RBFOX1: variants seen among roughly 807,000 people sequenced by gnomAD.
RBFOX1 encodes the protein RNA binding fox-1 homolog 1.
In RBFOX1, 8 loss-of-function variants were observed where a neutral mutation model predicts 57.7. The observed-to-expected ratio is 0.14, with a 90% confidence interval of 0.08 to 0.25. The LOEUF (loss-of-function observed/expected upper bound fraction) is 0.25, where lower values mean the gene tolerates loss of function less well. Ranked by LOEUF, RBFOX1 falls within the 10% of genes least tolerant of loss-of-function variation. The pLI is 1.00. For synonymous variants in RBFOX1, 326 were observed against 222.4 expected (o/e 1.47, Z -4.15); for missense variants, 611 against 548.5 (o/e 1.11, Z -1.14).
rs79604526 is a variant in RBFOX1 at position 6,185,635 on chromosome 16, C to T, written c.-126-131360C>T. Among the ~76,000 whole-genome samples the T allele has an allele frequency of 1.3e-3, 201 of 152,328 alleles. 5 individuals carry two copies. The East Asian group carries it at 0.033, about 25-fold the overall frequency. On this transcript the variant is annotated intron_variant, in intron 1 of 15. Transcript: ENST00000550418. ...TACACAGAGCATTTAAAAAATTCCT[C>T]ATAGCTAAATAGAATATAATATTTC...
chr16:5,620,692 T>C (rs914205298), intron 3 of RBFOX1, among the ~76,000 whole-genome samples: 4 of 152,078 alleles, frequency 2.6e-5, no homozygotes, highest in Non-Finnish European at 4.4e-5. Flanking sequence ...TTTATTTTTT[T>C]GGTAGAGATA....
chr16:6,390,498 C>G (rs1163672198), intron 2 of RBFOX1, among the ~76,000 whole-genome samples: 1 of 148,856 alleles, frequency 6.7e-6, no homozygotes, highest in Non-Finnish European at 1.5e-5. Flanking sequence ...AAATAGAGAA[C>G]AAAAAACAGA....
intron 2 of RBFOX1, among the ~76,000 whole-genome samples, chr16:5,593,269 C>A (rs187137217): frequency 6.7e-6 from 1 of 150,106 alleles, no homozygotes; most frequent in East Asian, 2.0e-4. Context: ...TATGTTCTCA[C>A]TTATAAGTGG....
At chr16:5,945,716 C>G (rs891792858) in intron 4 of RBFOX1, among the ~76,000 whole-genome samples, 1 of 152,216 alleles carries the variant, frequency 6.6e-6, no homozygotes, top group African/African-American at 2.4e-5. Flanking sequence ...GTAGAATCTG[C>G]AAACCTCCAC....
intron 4 of RBFOX1, among the ~76,000 whole-genome samples, chr16:7,277,170 A>G (rs1603474864): frequency 6.6e-6 from 1 of 152,198 alleles, no homozygotes; most frequent in East Asian, 1.9e-4. Context: ...TTCTTAAGAA[A>G]TGCAATTAAC....
intron 2 of RBFOX1, among the ~76,000 whole-genome samples, chr16:6,469,497 GAA>G (rs34880198): frequency 6.6e-6 from 1 of 152,248 alleles, no homozygotes; most frequent in East Asian, 1.9e-4. Flanking sequence ...TGCACTATGC[GAA>G]AAAGAGTTAG....
intron 1 of RBFOX1, among the ~76,000 whole-genome samples, chr16:5,247,147 G>C (rs941030731): frequency 6.6e-6 from 1 of 152,122 alleles, no homozygotes. Flanking sequence ...ACACCACATT[G>C]TTGCTGGAAG....
intron 3 of RBFOX1, among the ~76,000 whole-genome samples, chr16:5,805,143 G>A (rs747588715): frequency 6.6e-6 from 1 of 152,110 alleles, no homozygotes; most frequent in Non-Finnish European, 1.5e-5. Flanking sequence ...TCTTTGAGGA[G>A]ACCTGGGCTG....
intron 4 of RBFOX1, among the ~76,000 whole-genome samples, chr16:7,345,455 T>C (rs2096979831): frequency 1.3e-5 from 2 of 152,206 alleles, no homozygotes; most frequent in Admixed American, 1.3e-4. Context: ...TTAAGGATTC[T>C]AATGAGCTGG....
chr16:6,270,919 C>T (rs1325029919), intron 1 of RBFOX1, among the ~76,000 whole-genome samples: 1 of 152,154 alleles, frequency 6.6e-6, no homozygotes, highest in East Asian at 1.9e-4. Flanking sequence ...CATTTGGCCA[C>T]TAGACAGCAC....
At chr16:5,581,269 A>T (rs1355538250) in intron 2 of RBFOX1, among the ~76,000 whole-genome samples, 1 of 152,182 alleles carries the variant, frequency 6.6e-6, no homozygotes, top group African/African-American at 2.4e-5. Context: ...GGACTGTGCT[A>T]AGTTCTACAA....
At chr16:7,221,179 T>C (rs12446343) in intron 4 of RBFOX1, among the ~76,000 whole-genome samples, 59,316 of 151,760 alleles carry the variant, frequency 0.39, 12,097 homozygotes, top group East Asian at 0.66. Flanking sequence ...TTTTAGAGAG[T>C]GTGAATTAAA....
chr16:6,430,852 C>T (rs763800066), intron 2 of RBFOX1, among the ~76,000 whole-genome samples: 2 of 151,038 alleles, frequency 1.3e-5, no homozygotes, highest in Non-Finnish European at 2.9e-5. Flanking sequence ...TTACTGTGGT[C>T]AGGAACAGTA....
At chr16:6,788,623 C>G (rs375994561) in intron 3 of RBFOX1, among the ~76,000 whole-genome samples, 1 of 152,018 alleles carries the variant, frequency 6.6e-6, no homozygotes, top group African/African-American at 2.4e-5. Flanking sequence ...CTACAGGTGC[C>G]TACGACCATG....
intron 3 of RBFOX1, among the ~76,000 whole-genome samples, chr16:6,995,244 G>C (rs759686058): frequency 1.4e-4 from 21 of 146,850 alleles, no homozygotes; most frequent in Non-Finnish European, 2.8e-4. Flanking sequence ...ATTTACATTA[G>C]TCAAACCTGT....
intron 10 of RBFOX1, among the ~76,000 whole-genome samples, chr16:7,627,902 C>G (rs1484032549): frequency 6.8e-6 from 1 of 147,894 alleles, no homozygotes; most frequent in Non-Finnish European, 1.5e-5. Flanking sequence ...AGGTCAAAAT[C>G]ATTGCATAAA....
At chr16:7,479,578 G>C (rs1042010766) in intron 4 of RBFOX1, among the ~76,000 whole-genome samples, 1 of 152,188 alleles carries the variant, frequency 6.6e-6, no homozygotes, top group Non-Finnish European at 1.5e-5. Flanking sequence ...TGGGCCTGGG[G>C]TGTGAAGCAT....
intron 4 of RBFOX1, among the ~76,000 whole-genome samples, chr16:7,218,859 A>T (rs1210162734): frequency 1.3e-5 from 2 of 151,268 alleles, no homozygotes; most frequent in Admixed American, 1.3e-4. Flanking sequence ...CTTGCACCTG[A>T]CTCACCCCTC....
intron 4 of RBFOX1, among the ~76,000 whole-genome samples, chr16:7,105,149 C>T (rs1435608679): frequency 6.6e-6 from 1 of 152,116 alleles, no homozygotes; most frequent in Admixed American, 6.6e-5. Context: ...CCTGTCATTG[C>T]TTCAGCTTAA....
Sources: gnomAD v4.1 joint callset for allele counts (sites outside exome capture counted in the v4.1 genomes callset) on GRCh38, gnomAD v4.1.1 for gene constraint, MANE v1.5 for transcripts, NCBI Gene and HGNC (gene_info 2026-07-23, HGNC 2026-07-21) for gene names.